The following PDK1 variants were observed in gnomAD, a reference collection of about 807,000 sequenced individuals.
PDK1 encodes [Pyruvate dehydrogenase (acetyl-transferring)] kinase isozyme 1, mitochondrial.
A neutral mutation model predicts 54.2 loss-of-function variants in PDK1; 39 were observed. The ratio of observed to expected loss-of-function variants is 0.72; its 90% CI spans 0.56 to 0.94. The LOEUF is 0.94. Ranked by LOEUF, PDK1 falls within the 40% of genes least tolerant of loss-of-function variation. The pLI, the probability that PDK1 is intolerant of heterozygous loss-of-function variation, is 0.00. For missense variants in PDK1, 552 were observed against 566.0 expected (o/e 0.98, Z 0.25); for synonymous variants, 221 against 207.1 (o/e 1.07, Z -0.58).
the PDK1 span, among the ~76,000 whole-genome samples, chr2:172,700,604 C>T: frequency 1.1e-4 from 17 of 152,206 alleles, no homozygotes; most frequent in South Asian, 2.1e-3. Context: ...GACGGGGTGG[C>T]GGCCAGGTAG....
Position 172,604,047 on chromosome 2 carries a change from A to G in PDK1, c.*8078A>G, listed in dbSNP as rs971536202. The G allele has an allele frequency of 2.0e-5, 3 of 152,206 alleles. No homozygotes were observed. The highest frequency in any genetic ancestry group is 4.4e-5 in the Non-Finnish European group (3 of 68,036). The allele number at this position is 152,206 out of a possible 1,614,324, so 9.4% of individuals were successfully genotyped here. A position where few individuals can be genotyped will look rare whatever the true frequency, so the allele number is the denominator to read the frequency against. ...AGACCAATTTGAGGAGAATTTAACA[A>G]TAGCTTTTCAATTTATGAACATGGC... On this transcript the variant is annotated 3_prime_UTR_variant, in exon 11 of 11. Coordinates refer to ENST00000282077, the MANE Select transcript of PDK1 (RefSeq NM_002610.5).
chr2:172,716,997 T>C, the PDK1 span, among the ~76,000 whole-genome samples: 1 of 152,204 alleles, frequency 6.6e-6, no homozygotes, highest in African/African-American at 2.4e-5. Flanking sequence ...TATTTAGAGA[T>C]GTAGAGATTC....
At chr2:172,715,679 G>A in the PDK1 span, among the ~76,000 whole-genome samples, 3 of 152,130 alleles carry the variant, frequency 2.0e-5, no homozygotes, top group Non-Finnish European at 2.9e-5. Context: ...GATGGGAGAT[G>A]AGTGCTCTTC....
In PDK1 at chr2:172,597,610, C is replaced by T. The variant is rs1209290759; in HGVS notation, c.*1641C>T. ...AGGTGGTATCATTCTCTTTCTCACT[C>T]AGTGTGGCCCAGAGTTGCTCAGAAT... On this transcript the variant is annotated 3_prime_UTR_variant, in exon 11 of 11. Coordinates refer to ENST00000282077, the MANE Select transcript of PDK1 (RefSeq NM_002610.5). The T allele has an allele frequency of 6.6e-6, 1 of 152,154 alleles. No individual in the cohort carries two copies. The highest frequency in any genetic ancestry group is 6.6e-5 in the Admixed American group (1 of 15,262). 9.4% of individuals were successfully genotyped at this position (152,154 alleles called of 1,614,324 possible).
the PDK1 span, among the ~76,000 whole-genome samples, chr2:172,692,466 T>C: frequency 2.0e-5 from 3 of 152,340 alleles, no homozygotes; most frequent in Admixed American, 2.0e-4. Context: ...TTAAGTGTAA[T>C]AGCCTGTTAC....
At chr2:172,683,525 G>C in the PDK1 span, among the ~76,000 whole-genome samples, 2 of 152,186 alleles carry the variant, frequency 1.3e-5, no homozygotes, top group Non-Finnish European at 2.9e-5. Context: ...ACAGGTGCAA[G>C]AGTGGGGTGT....
chr2:172,673,077 GAAGTA>G, the PDK1 span, among the ~76,000 whole-genome samples: 2 of 152,216 alleles, frequency 1.3e-5, no homozygotes, highest in Non-Finnish European at 2.9e-5. Context: ...AGAATAAAAG[GAAGTA>G]AAGTACACTT....
the PDK1 span, among the ~76,000 whole-genome samples, chr2:172,645,530 A>G: frequency 6.6e-6 from 1 of 152,126 alleles, no homozygotes. Flanking sequence ...AAATGCTGGG[A>G]TTACAGGTGT....
At chr2:172,649,785 A>G in the PDK1 span, among the ~76,000 whole-genome samples, 1 of 152,204 alleles carries the variant, frequency 6.6e-6, no homozygotes, top group Non-Finnish European at 1.5e-5. Flanking sequence ...AGAAGTTTAG[A>G]GAACACAGAG....
At chr2:172,699,756 TA>T in the PDK1 span, among the ~76,000 whole-genome samples, 9 of 149,086 alleles carry the variant, frequency 6.0e-5, no homozygotes, top group East Asian at 1.0e-3. Flanking sequence ...CTTTTTTTAT[TA>T]TTATTTTTTT....
Position 172,562,670 on chromosome 2 carries a change from C to G in PDK1, c.410+379C>G, listed in dbSNP as rs935173560. The G allele has an allele frequency of 3.5e-6, 3 of 848,344 alleles. No individual in the cohort carries two copies. The African/African-American group carries it at 5.0e-5, about 14-fold the overall frequency. 52.6% of individuals were successfully genotyped at this position (848,344 alleles called of 1,614,324 possible). On this transcript the variant is annotated intron_variant, in intron 3 of 10. Transcript: ENST00000282077. ...CTGATTTTAAAGGAAAGCTACAAGT[C>G]TAGATTTGTAATGTAAAATCTCTCA... is the stretch of plus-strand genomic sequence containing the variant.
At chr2:172,644,801 T>C in the PDK1 span, among the ~76,000 whole-genome samples, 2 of 152,242 alleles carry the variant, frequency 1.3e-5, no homozygotes, top group Non-Finnish European at 2.9e-5. Flanking sequence ...CCATACTTAT[T>C]ACACATAAGG....
chr2:172,643,748 G>A, the PDK1 span, among the ~76,000 whole-genome samples: 3 of 152,196 alleles, frequency 2.0e-5, no homozygotes, highest in Non-Finnish European at 2.9e-5. Flanking sequence ...CTCTGGTTAA[G>A]GGCCAGTTCT....
At chr2:172,626,424 G>A in the PDK1 span, among the ~76,000 whole-genome samples, 1 of 152,162 alleles carries the variant, frequency 6.6e-6, no homozygotes, top group Non-Finnish European at 1.5e-5. Context: ...GGAATGAAAT[G>A]AAATAACTGT....
At chr2:172,668,497 G>T in the PDK1 span, among the ~76,000 whole-genome samples, 8,477 of 151,378 alleles carry the variant, frequency 0.056, 988 homozygotes, top group East Asian at 0.53. Flanking sequence ...AACTCAAGTG[G>T]CCTACTCTTG....
At position 172,605,444 on chromosome 2, in the gene PDK1, C is replaced by T. The variant is rs749747461; in HGVS notation, c.*9475C>T. 1 of 139,804 alleles carries T rather than the reference C, an allele frequency of 7.2e-6. No individual in the cohort carries two copies. The highest frequency in any genetic ancestry group is 2.7e-5 in the African/African-American group (1 of 37,022). The allele number at this position is 139,804 out of a possible 1,614,324, so 8.7% of individuals were successfully genotyped here. A position where few individuals can be genotyped will look rare whatever the true frequency, so the allele number is the denominator to read the frequency against. On this transcript the variant is annotated 3_prime_UTR_variant, in exon 11 of 11. Transcript: ENST00000282077. The stretch of plus-strand genomic sequence containing the variant: ...AGGCCAGAGTGTAGTGGTGTGATCT[C>T]AGCTCAGTGCAGCGTCTGCTTCCTG...
chr2:172,587,827 G>A (rs11897582), intron 9 of PDK1, among the ~76,000 whole-genome samples: 14,069 of 152,188 alleles, frequency 0.092, 797 homozygotes, highest in Middle Eastern at 0.12. Flanking sequence ...GACACAGAGT[G>A]CTGATTGGTG....
the PDK1 span, among the ~76,000 whole-genome samples, chr2:172,699,178 G>A: frequency 6.6e-6 from 1 of 152,150 alleles, no homozygotes; most frequent in South Asian, 2.1e-4. Flanking sequence ...CAACTGGGTG[G>A]CTAGAAATTT....
At chr2:172,680,015 A>G in the PDK1 span, among the ~76,000 whole-genome samples, 9,581 of 152,184 alleles carry the variant, frequency 0.063, 1,039 homozygotes, top group East Asian at 0.54. Flanking sequence ...TTAATTTGAA[A>G]CCATTTTCCC....
Sources: allele counts gnomAD v4.1 joint callset (sites outside exome capture counted in the v4.1 genomes callset), GRCh38; gene constraint gnomAD v4.1.1; transcripts MANE v1.5; gene names NCBI Gene and HGNC (gene_info 2026-07-23, HGNC 2026-07-21).